PCDH15: variants seen among roughly 807,000 people sequenced by gnomAD.
The protein encoded by PCDH15 is protocadherin related 15.
A neutral mutation model predicts 178.5 loss-of-function variants in PCDH15; 129 were observed. That is an observed-to-expected ratio of 0.72 (90% CI 0.63 to 0.84). The LOEUF (loss-of-function observed/expected upper bound fraction) is 0.84. Ranked by LOEUF, PCDH15 falls within the 40% of genes least tolerant of loss-of-function variation. PCDH15 has a pLI of 0.00. For synonymous variants in PCDH15, 800 were observed against 732.0 expected, an observed-to-expected ratio of 1.09 and a Z score of -1.50; for missense variants, 2,230 against 2,099.9, an observed-to-expected ratio of 1.06 and a Z score of -1.21.
intron 3 of PCDH15, among the ~76,000 whole-genome samples, chr10:54,860,362 C>T (rs1044111469): frequency 2.0e-5 from 3 of 152,044 alleles, no homozygotes; most frequent in Non-Finnish European, 4.4e-5. Context: ...ATGTGGTATA[C>T]CCAATGCTTA....
intron 3 of PCDH15, among the ~76,000 whole-genome samples, chr10:54,448,376 C>A (rs1056851234): frequency 2.6e-5 from 4 of 151,776 alleles, no homozygotes; most frequent in African/African-American, 9.6e-5. Flanking sequence ...CCTTAGATGA[C>A]TGACCATTTT....
chr10:54,775,617 G>T (rs901909965), intron 1 of PCDH15, among the ~76,000 whole-genome samples: 24 of 152,186 alleles, frequency 1.6e-4, no homozygotes, highest in South Asian at 1.2e-3. Context: ...AAATATCTCG[G>T]CCGGGCGCGG....
At chr10:54,269,535 T>C (rs2057914059) in intron 8 of PCDH15, among the ~76,000 whole-genome samples, 1 of 151,950 alleles carries the variant, frequency 6.6e-6, no homozygotes, top group Non-Finnish European at 1.5e-5. Context: ...AGAATAACAG[T>C]GTTGGAAGCC....
intron 1 of PCDH15, among the ~76,000 whole-genome samples, chr10:54,700,671 G>T (rs1441051125): frequency 6.6e-6 from 1 of 152,002 alleles, no homozygotes; most frequent in East Asian, 1.9e-4. Flanking sequence ...AAAGAAAAAA[G>T]AATAAAGAAT....
At chr10:55,015,040 G>A (rs1033982327) in intron 2 of PCDH15, among the ~76,000 whole-genome samples, 1 of 151,952 alleles carries the variant, frequency 6.6e-6, no homozygotes, top group Non-Finnish European at 1.5e-5. Flanking sequence ...GAGCAACATG[G>A]TGAAACCCCA....
At chr10:54,572,294 C>T (rs528931839) in intron 2 of PCDH15, among the ~76,000 whole-genome samples, 9 of 152,106 alleles carry the variant, frequency 5.9e-5, no homozygotes, top group African/African-American at 1.7e-4. Flanking sequence ...ATATTTGTGG[C>T]TTTTACATTC....
chr10:54,422,560 AG>A (rs1955676153), intron 3 of PCDH15, among the ~76,000 whole-genome samples: 1 of 152,134 alleles, frequency 6.6e-6, no homozygotes, highest in Admixed American at 6.6e-5. Context: ...TTTAATGCAG[AG>A]GGGGCCATAG....
At chr10:54,968,766 T>G (rs1035912533) in intron 2 of PCDH15, among the ~76,000 whole-genome samples, 3 of 152,156 alleles carry the variant, frequency 2.0e-5, no homozygotes, top group African/African-American at 7.2e-5. Flanking sequence ...CCATTTGACA[T>G]TGTCCCATAG....
chr10:54,696,719 C>T lies in PCDH15; in HGVS notation c.-28-32429G>A, dbSNP rs1261996882. Among the ~76,000 whole-genome samples the T allele has an allele frequency of 4.6e-5, 7 of 151,434 alleles. 1 individual carries two copies. The highest frequency in any genetic ancestry group is 1.3e-4 in the Admixed American group (2 of 15,144). On this transcript the variant is annotated intron_variant, in intron 1 of 37. Coordinates refer to ENST00000644397, the MANE Select transcript of PCDH15 (RefSeq NM_001384140.1). Reference sequence around the variant, plus strand: ...CGCCCTATTTTTGTATTTTAATTTCCACCCTAAATTTCTACTTCGAGCTTT... The same window carrying T: ...CGCCCTATTTTTGTATTTTAATTTCTACCCTAAATTTCTACTTCGAGCTTT...
intron 2 of PCDH15, among the ~76,000 whole-genome samples, chr10:55,025,333 C>T (rs1050699206): frequency 4.6e-5 from 7 of 151,968 alleles, no homozygotes; most frequent in Non-Finnish European, 7.4e-5. Flanking sequence ...CTTTGTGTTC[C>T]CTCCTATTTT....
At chr10:53,824,983 T>C (rs1397668062) in intron 32 of PCDH15, among the ~76,000 whole-genome samples, 2 of 151,882 alleles carry the variant, frequency 1.3e-5, no homozygotes, top group African/African-American at 4.8e-5. Context: ...CAAAAGGAAA[T>C]TGGGTGTGGA....
chr10:54,007,942 A>C (rs2092440123), intron 20 of PCDH15, among the ~76,000 whole-genome samples: 1 of 152,178 alleles, frequency 6.6e-6, no homozygotes, highest in Non-Finnish European at 1.5e-5. Flanking sequence ...CAATTTGAAA[A>C]GCTGGTAAAG....
chr10:54,579,164 C>A (rs2090793165), intron 2 of PCDH15, among the ~76,000 whole-genome samples: 1 of 152,048 alleles, frequency 6.6e-6, no homozygotes, highest in South Asian at 2.1e-4. Flanking sequence ...CTTGAATTTA[C>A]ATGGTCCAAA....
At position 54,332,368 on chromosome 10, in the gene PCDH15, A is replaced by ATATATTAT. The variant is rs1316014451; in HGVS notation, c.595-2663_595-2662insATAATATA. 1.4e-3 allele frequency among the ~76,000 whole-genome samples: 136 copies of ATATATTAT among 97,300 alleles called. 9 individuals carry two copies. The highest frequency in any genetic ancestry group is 1.8e-3 in the African/African-American group (47 of 25,986). 63.8% of individuals were successfully genotyped at this position (97,300 alleles called of 152,430 possible). A position where few individuals can be genotyped will look rare whatever the true frequency, so the allele number is the denominator to read the frequency against. On this transcript the variant is annotated intron_variant, in intron 6 of 37. Transcript: ENST00000644397. ...TATATAATATAATATAATCTATATT[A>ATATATTAT]TATATATAATATATATATAGTAAAT...
At chr10:54,052,234 A>T (rs1047598528) in intron 18 of PCDH15, among the ~76,000 whole-genome samples, 1 of 152,200 alleles carries the variant, frequency 6.6e-6, no homozygotes, top group Non-Finnish European at 1.5e-5. Flanking sequence ...TCCAGACTCC[A>T]GAATGGTGGA....
intron 2 of PCDH15, among the ~76,000 whole-genome samples, chr10:55,132,763 A>G (rs1838088555): frequency 2.6e-5 from 4 of 152,166 alleles, no homozygotes; most frequent in Admixed American, 2.6e-4. Flanking sequence ...TTTACTCATA[A>G]ATATTGTTCT....
In PCDH15 at chr10:55,063,130, A is replaced by G. The variant is rs548012968; in HGVS notation, c.-80+103446T>C. Among the ~76,000 whole-genome samples the G allele has an allele frequency of 1.6e-4, 25 of 152,288 alleles. 1 individual carries two copies. The highest frequency in any genetic ancestry group is 6.0e-4 in the African/African-American group (25 of 41,568). On this transcript the variant is annotated intron_variant, in intron 2 of 5. Coordinates refer to the PCDH15 transcript ENST00000458638. ...ACTCAAACTTGTGTTGTGTGACTCC[A>G]AAATCCATACTTTTAATCTCTATAA...
At chr10:55,145,766 ATAT>A (rs1340294313) in intron 2 of PCDH15, among the ~76,000 whole-genome samples, 1 of 151,642 alleles carries the variant, frequency 6.6e-6, no homozygotes, top group Non-Finnish European at 1.5e-5. Context: ...GAACAAAAAA[ATAT>A]TATTTTCCTA....
chr10:54,849,607 T>C (rs1161934587), intron 3 of PCDH15, among the ~76,000 whole-genome samples: 1 of 152,184 alleles, frequency 6.6e-6, no homozygotes, highest in East Asian at 1.9e-4. Context: ...AATGACTTTC[T>C]AATTATTGTT....
Sources: gnomAD v4.1 joint callset for allele counts (sites outside exome capture counted in the v4.1 genomes callset) on GRCh38, gnomAD v4.1.1 for gene constraint, MANE v1.5 for transcripts, NCBI Gene and HGNC (gene_info 2026-07-23, HGNC 2026-07-21) for gene names.